Variants in CDIN1 observed in about 807,000 individuals in gnomAD.
CDIN1 encodes CDAN1 interacting nuclease 1.
CDIN1 carries 33 observed loss-of-function variants against 45.3 expected under a neutral mutation model. That is an observed-to-expected ratio of 0.73 (90% CI 0.55 to 0.97). The LOEUF is 0.97. Ranked by LOEUF, CDIN1 falls within the 50% of genes least tolerant of loss-of-function variation. The pLI is 0.00. For synonymous variants in CDIN1, 118 were observed against 124.4 expected (o/e 0.95, Z 0.34); for missense variants, 303 against 339.4 (o/e 0.89, Z 0.84).
rs546618300 is a variant in CDIN1, at chr15:36,669,066, G to A, written c.346+11161G>A. On this transcript the variant is annotated intron_variant, in intron 5 of 10. Coordinates refer to ENST00000566621, the MANE Select transcript of CDIN1 (RefSeq NM_001321759.2). ...TCTGATAATTTTAGAGATCCTTTTC[G>A]GAAACCTCTTGAAATAATGTTTACG... The A allele has an allele frequency of 5.9e-5, 9 of 152,002 alleles. No individual in the cohort carries two copies. In the South Asian group the frequency reaches 6.2e-4, roughly 11 times the overall value. The allele number at this position is 152,002 out of a possible 1,614,324, so 9.4% of individuals were successfully genotyped here. A position where few individuals can be genotyped will look rare whatever the true frequency, so the allele number is the denominator to read the frequency against.
chr15:36,792,073 T>A (rs2054659637), intron 10 of CDIN1, among the ~76,000 whole-genome samples: 1 of 152,186 alleles, frequency 6.6e-6, no homozygotes, highest in African/African-American at 2.4e-5. Flanking sequence ...ATGAGGCAGT[T>A]TGCAGCCAGG....
intron 1 of CDIN1, among the ~76,000 whole-genome samples, chr15:36,612,337 G>A (rs1432155520): frequency 6.6e-6 from 1 of 152,142 alleles, no homozygotes; most frequent in Non-Finnish European, 1.5e-5. Context: ...CAGGAGCCTG[G>A]GTCCCAAGGA....
chr15:36,751,852 A>G (rs766303082), intron 10 of CDIN1, among the ~76,000 whole-genome samples: 58 of 152,310 alleles, frequency 3.8e-4, no homozygotes, highest in Admixed American at 7.8e-4. Context: ...TCGCAGGGTC[A>G]TGGATGGAGC....
At chr15:36,798,926 G>C (rs945453764) in intron 10 of CDIN1, 1 of 152,080 alleles carries the variant, frequency 6.6e-6, no homozygotes, top group African/African-American at 2.4e-5. Context: ...TTGATTAACT[G>C]GCAAACACCA....
intron 1 of CDIN1, among the ~76,000 whole-genome samples, chr15:36,586,849 A>G (rs1018422370): frequency 1.8e-4 from 27 of 152,258 alleles, no homozygotes; most frequent in African/African-American, 6.5e-4. Flanking sequence ...AACTAGTGTA[A>G]GACACATCCA....
At position 36,710,041 on chromosome 15, in the gene CDIN1, G is replaced by T. The variant is rs185329174; in HGVS notation, c.716+80G>T. The T allele has an allele frequency of 5.4e-4, 577 of 1,064,360 alleles. No individual in the cohort carries two copies. The African/African-American group carries it at 7.2e-3, about 13-fold the overall frequency. 65.9% of individuals were successfully genotyped at this position (1,064,360 alleles called of 1,614,324 possible). A position where few individuals can be genotyped will look rare whatever the true frequency, so the allele number is the denominator to read the frequency against. ...TAGAAAAAAATATTTTGTTTAGCTGGTAAAAATGCTAGTAGCCGTTGTTTC... is the reference window on the plus strand; with the variant it reads ...TAGAAAAAAATATTTTGTTTAGCTGTTAAAAATGCTAGTAGCCGTTGTTTC... On this transcript the variant is annotated intron_variant, in intron 10 of 10. Transcript: ENST00000566621.
chr15:36,799,090 A>AG (rs1402690216), intron 10 of CDIN1: 1 of 152,238 alleles, frequency 6.6e-6, no homozygotes, highest in African/African-American at 2.4e-5. Context: ...GAAATAACTG[A>AG]GAAAACATGT....
intron 10 of CDIN1, among the ~76,000 whole-genome samples, chr15:36,758,409 C>G (rs1262992076): frequency 1.3e-5 from 2 of 152,132 alleles, no homozygotes; most frequent in African/African-American, 4.8e-5. Flanking sequence ...AGTTTCTAAA[C>G]TGGACGAGCC....
rs1217028612 is a variant in CDIN1, at chr15:36,633,611, G to A, written c.102-10667G>A. 2.0e-5 allele frequency among the ~76,000 whole-genome samples: 3 copies of A among 151,960 alleles called. No homozygotes were observed. The East Asian group carries it at 5.8e-4, about 29-fold the overall frequency. ...TCCAGAATTTGTTAGCTATTCTTAT[G>A]TATTCTTCTTGAATTTTAACATACA... On this transcript the variant is annotated intron_variant, in intron 1 of 10. Transcript: ENST00000566621.
intron 1 of CDIN1, among the ~76,000 whole-genome samples, chr15:36,635,666 C>T (rs1167578055): frequency 1.3e-5 from 2 of 152,116 alleles, no homozygotes; most frequent in African/African-American, 2.4e-5. Context: ...CAAAGGAGAT[C>T]CAGTTATTGG....
chr15:36,721,198 C>A (rs1445068733), intron 10 of CDIN1, among the ~76,000 whole-genome samples: 1 of 152,058 alleles, frequency 6.6e-6, no homozygotes, highest in Non-Finnish European at 1.5e-5. Context: ...GGGTAGATTG[C>A]AAAAATTTTC....
intron 10 of CDIN1, among the ~76,000 whole-genome samples, chr15:36,762,373 T>A (rs2141000793): frequency 6.6e-6 from 1 of 152,220 alleles, no homozygotes; most frequent in East Asian, 1.9e-4. Flanking sequence ...CCTACAAGAT[T>A]TATTTATAAA....
At position 36,808,892 on chromosome 15, in the gene CDIN1, G is replaced by A; in HGVS notation, c.*439G>A. 1 of 455,288 alleles carries A rather than the reference G, an allele frequency of 2.2e-6. No homozygotes were observed. Among genetic ancestry groups the A allele is most frequent in the Non-Finnish European group, 4.4e-6 (1 of 226,708 alleles). The allele number at this position is 455,288 out of a possible 1,614,324, so 28.2% of individuals were successfully genotyped here. On this transcript the variant is annotated 3_prime_UTR_variant, in exon 11 of 11. Transcript: ENST00000566621. ...TCTCTCCCTCTCCCTTTCTCTTCAT[G>A]TGCACTCACAGAGACCCAGCATTGC...
At chr15:36,689,144 T>C (rs2042156549) in intron 5 of CDIN1, among the ~76,000 whole-genome samples, 1 of 152,256 alleles carries the variant, frequency 6.6e-6, no homozygotes, top group Non-Finnish European at 1.5e-5. Context: ...GTTTATTGCC[T>C]ATGATTCTTA....
intron 5 of CDIN1, among the ~76,000 whole-genome samples, chr15:36,666,752 A>C (rs908316039): frequency 6.6e-6 from 1 of 152,108 alleles, no homozygotes; most frequent in African/African-American, 2.4e-5. Flanking sequence ...TGCCACCTCC[A>C]TGCACTGTCT....
chr15:36,801,948 T>C (rs960045271), intron 10 of CDIN1, among the ~76,000 whole-genome samples: 30 of 151,206 alleles, frequency 2.0e-4, no homozygotes, highest in African/African-American at 7.1e-4. Flanking sequence ...CCTGTGTAGA[T>C]AGGTGGATCC....
intron 2 of CDIN1, among the ~76,000 whole-genome samples, chr15:36,644,611 T>G (rs2040239155): frequency 6.6e-6 from 1 of 152,118 alleles, no homozygotes; most frequent in Non-Finnish European, 1.5e-5. Context: ...ATGTGCTAAA[T>G]GTTTGCTGAC....
At chr15:36,619,196 G>C in intron 1 of CDIN1, 1 of 1,301,004 alleles carries the variant, frequency 7.7e-7, no homozygotes, top group South Asian at 1.4e-5. Context: ...CAGTTTAGTC[G>C]TAGGGCTATA....
chr15:36,698,893 G>A (rs2042533085), intron 8 of CDIN1, among the ~76,000 whole-genome samples: 1 of 152,164 alleles, frequency 6.6e-6, no homozygotes, highest in South Asian at 2.1e-4. Flanking sequence ...GCTAAACTTA[G>A]TCCTAGTCCT....
Sources: gnomAD v4.1 joint callset for allele counts (sites outside exome capture counted in the v4.1 genomes callset) on GRCh38, gnomAD v4.1.1 for gene constraint, MANE v1.5 for transcripts, NCBI Gene and HGNC (gene_info 2026-07-23, HGNC 2026-07-21) for gene names.